Variants in TASP1 observed in about 807,000 individuals in gnomAD.
TASP1 encodes the protein threonine aspartase 1.
In TASP1, 16 loss-of-function variants were observed where a neutral mutation model predicts 56.6. The ratio of observed to expected loss-of-function variants is 0.28; its 90% CI spans 0.19 to 0.43. The LOEUF (loss-of-function observed/expected upper bound fraction) is 0.43, where lower values mean the gene tolerates loss of function less well. Ranked by LOEUF, TASP1 falls within the 20% of genes least tolerant of loss-of-function variation. The pLI, the probability that TASP1 is intolerant of heterozygous loss-of-function variation, is 1.00. For missense variants in TASP1, 393 were observed against 511.6 expected (o/e 0.77, Z 2.24); for synonymous variants, 179 against 184.2 (o/e 0.97, Z 0.23).
chr20:13,316,837 G>A, the TASP1 span, among the ~76,000 whole-genome samples: 94 of 151,850 alleles, frequency 6.2e-4, no homozygotes, highest in African/African-American at 1.9e-3. Context: ...AATACTTAGC[G>A]GTAAGAAACT....
chr20:13,400,171 G>T (rs147720063), intron 13 of TASP1, among the ~76,000 whole-genome samples: 1 of 152,090 alleles, frequency 6.6e-6, no homozygotes, highest in African/African-American at 2.4e-5. Flanking sequence ...GATTCTTGTC[G>T]CTTGGTTCAC....
chr20:13,308,972 A>C, the TASP1 span, among the ~76,000 whole-genome samples: 1 of 152,146 alleles, frequency 6.6e-6, no homozygotes, highest in Non-Finnish European at 1.5e-5. Flanking sequence ...CCATGCTAGC[A>C]CCTTGATCTC....
the TASP1 span, among the ~76,000 whole-genome samples, chr20:13,162,191 C>T: frequency 1.3e-5 from 2 of 152,152 alleles, no homozygotes; most frequent in Non-Finnish European, 2.9e-5. Flanking sequence ...CATGTTTACA[C>T]ATTAAGGGAA....
At chr20:13,356,561 A>T in the TASP1 span, among the ~76,000 whole-genome samples, 1 of 152,164 alleles carries the variant, frequency 6.6e-6, no homozygotes, top group Non-Finnish European at 1.5e-5. Flanking sequence ...TTTTTCAAAC[A>T]ATGAGCTACC....
chr20:13,540,432 C>T (rs1437895508), intron 8 of TASP1, among the ~76,000 whole-genome samples: 1 of 152,116 alleles, frequency 6.6e-6, no homozygotes, highest in Admixed American at 6.5e-5. Flanking sequence ...CACAAAAAGA[C>T]TTGTCAAGGG....
chr20:13,306,082 A>G, the TASP1 span, among the ~76,000 whole-genome samples: 17 of 152,162 alleles, frequency 1.1e-4, no homozygotes, highest in East Asian at 3.1e-3. Context: ...TCAAAATGAA[A>G]AAAACCTTTT....
At chr20:13,289,592 C>T in the TASP1 span, among the ~76,000 whole-genome samples, 3 of 151,436 alleles carry the variant, frequency 2.0e-5, no homozygotes, top group East Asian at 5.8e-4. Flanking sequence ...CATTTTTAAA[C>T]TGTTGTGAAG....
intron 11 of TASP1, among the ~76,000 whole-genome samples, chr20:13,477,942 C>A (rs1183576826): frequency 1.3e-5 from 2 of 152,142 alleles, no homozygotes; most frequent in Middle Eastern, 3.2e-3. Flanking sequence ...ACATTTCAAT[C>A]TCTGAAATGC....
chr20:13,557,576 T>TG lies in TASP1; in HGVS notation c.675+1431_675+1432insC, dbSNP rs1341972518. On this transcript the variant is annotated intron_variant, in intron 8 of 13. Transcript: ENST00000337743. Reference sequence around the variant, plus strand: ...AATTTTATTACGATGTTTTTGGTTTTTTTTTTTTTTTTTTTTTTTTTTGAG... The same window carrying TG: ...AATTTTATTACGATGTTTTTGGTTTTGTTTTTTTTTTTTTTTTTTTTTTGAG... 4.5e-4 allele frequency among the ~76,000 whole-genome samples: 62 copies of TG among 136,384 alleles called. 1 individual carries two copies. The highest frequency in any genetic ancestry group is 1.7e-3 in the African/African-American group (59 of 34,460). The allele number at this position is 136,384 out of a possible 152,430, so 89.5% of individuals were successfully genotyped here. A position where few individuals can be genotyped will look rare whatever the true frequency, so the allele number is the denominator to read the frequency against.
intron 12 of TASP1, among the ~76,000 whole-genome samples, chr20:13,427,324 A>T (rs567155546): frequency 6.6e-6 from 1 of 152,344 alleles, no homozygotes; most frequent in African/African-American, 2.4e-5. Flanking sequence ...CAGCAACAAA[A>T]CAAAGTACTC....
chr20:13,563,492 A>T (rs1460175570), intron 7 of TASP1, among the ~76,000 whole-genome samples: 7 of 152,168 alleles, frequency 4.6e-5, no homozygotes, highest in Non-Finnish European at 8.8e-5. Context: ...CCCCTTATGA[A>T]CGTTGATGCA....
the TASP1 span, among the ~76,000 whole-genome samples, chr20:13,272,017 G>C: frequency 2.0e-5 from 3 of 152,076 alleles, no homozygotes; most frequent in Non-Finnish European, 4.4e-5. Flanking sequence ...GGGCTCAAGC[G>C]ATCCCCCTGC....
chr20:13,220,271 G>A, the TASP1 span, among the ~76,000 whole-genome samples: 2 of 152,176 alleles, frequency 1.3e-5, no homozygotes, highest in African/African-American at 4.8e-5. Flanking sequence ...GCAAGGTCAA[G>A]GAGGGAAGTG....
At position 13,503,995 on chromosome 20, in the gene TASP1, G is replaced by A. The variant is rs117829170; in HGVS notation, c.875-20658C>T. 3.6e-4 allele frequency among the ~76,000 whole-genome samples: 54 copies of A among 152,038 alleles called. 1 individual carries two copies. In the East Asian group the frequency reaches 8.5e-3, roughly 24 times the overall value. The stretch of plus-strand genomic sequence containing the variant: ...TGGAGTACCATCTAGCATTATGGAA[G>A]TTCAAACAGGAGAAGAGAAAGAGAA... On this transcript the variant is annotated intron_variant, in intron 10 of 13. Coordinates refer to ENST00000337743, the MANE Select transcript of TASP1 (RefSeq NM_017714.3).
Position 13,469,792 on chromosome 20 carries a change from C to CTTTTTTTTTTTTTTTTTTTTTTTTTTTT in TASP1, c.985+13407_985+13434dup, listed in dbSNP as rs546419566. Among the ~76,000 whole-genome samples, 3 of 39,546 alleles carry CTTTTTTTTTTTTTTTTTTTTTTTTTTTT rather than the reference C, an allele frequency of 7.6e-5. 1 individual carries two copies. The highest frequency in any genetic ancestry group is 1.4e-4 in the Non-Finnish European group (3 of 21,466). The allele number at this position is 39,546 out of a possible 152,430, so 25.9% of individuals were successfully genotyped here. A position where few individuals can be genotyped will look rare whatever the true frequency, so the allele number is the denominator to read the frequency against. Reference sequence around the variant, plus strand: ...ACAGTTGTCCAGGTCAATAAATGTCCTTTTTTTTTTTTTTTTTTTTTTTTT... The same window carrying CTTTTTTTTTTTTTTTTTTTTTTTTTTTT: ...ACAGTTGTCCAGGTCAATAAATGTCCTTTTTTTTTTTTTTTTTTTTTTTTTTTTTTTTTTTTTTTTTTTTTTTTTTTTT... On this transcript the variant is annotated intron_variant, in intron 11 of 13. Transcript: ENST00000337743.
chr20:13,158,459 A>C, the TASP1 span, among the ~76,000 whole-genome samples: 1 of 152,194 alleles, frequency 6.6e-6, no homozygotes, highest in African/African-American at 2.4e-5. Flanking sequence ...AGAAACATGC[A>C]GACAGTGAAA....
In TASP1 at chr20:13,417,934, C is replaced by T. The variant is rs190805109; in HGVS notation, c.1097-413G>A. Among the ~76,000 whole-genome samples the T allele has an allele frequency of 3.4e-4, 52 of 152,272 alleles. No individual in the cohort carries two copies. The East Asian group carries it at 6.2e-3, about 18-fold the overall frequency. The stretch of plus-strand genomic sequence containing the variant: ...GTCTTAATTTCTTTCCTTATTGAGA[C>T]GGAGTTTCACTCTTGTTGTCCAGGC... On this transcript the variant is annotated intron_variant, in intron 12 of 13. Transcript: ENST00000337743.
the TASP1 span, among the ~76,000 whole-genome samples, chr20:13,133,591 G>A: frequency 6.6e-6 from 1 of 152,124 alleles, no homozygotes; most frequent in East Asian, 1.9e-4. Context: ...AAAATTAGCT[G>A]GGCATGGTGG....
At chr20:13,314,026 A>C in the TASP1 span, among the ~76,000 whole-genome samples, 2 of 152,194 alleles carry the variant, frequency 1.3e-5, no homozygotes, top group African/African-American at 4.8e-5. Flanking sequence ...ACTGGACTTG[A>C]CTGAAGAAAG....
Sources: gnomAD v4.1 joint callset for allele counts (sites outside exome capture counted in the v4.1 genomes callset) on GRCh38, gnomAD v4.1.1 for gene constraint, MANE v1.5 for transcripts, NCBI Gene and HGNC (gene_info 2026-07-23, HGNC 2026-07-21) for gene names.